PCDHGB4: variants seen among roughly 807,000 people sequenced by gnomAD.
PCDHGB4 encodes the protein protocadherin gamma-B4.
Under a neutral mutation model 60.5 loss-of-function variants are expected in PCDHGB4, and 38 were observed. The observed-to-expected ratio is 0.63, with a 90% CI of 0.48 to 0.82. The LOEUF is 0.82. Among genes scored for constraint, PCDHGB4 ranks in the 40% least tolerant of loss-of-function variants. The pLI is 0.00. For missense variants in PCDHGB4, 1,109 were observed against 1,209.6 expected (o/e 0.92, Z 1.23); for synonymous variants, 456 against 509.7 (o/e 0.89, Z 1.42).
intron 2 of PCDHGB4, among the ~76,000 whole-genome samples, chr5:141,498,024 A>G (rs1455238086): frequency 6.6e-6 from 1 of 152,200 alleles, no homozygotes; most frequent in East Asian, 1.9e-4. Flanking sequence ...GGAGACAAAT[A>G]TTGACCAAAT....
rs1254680765 is a variant in PCDHGB4 at position 141,491,399 on chromosome 5, A to G, written c.2398-3408A>G. ...CTGTCAGCGAAGTGCCTTCAGGGAA[A>G]CGCAGACGGGGACGGGGGTGGAGGG... On this transcript the variant is annotated intron_variant, in intron 1 of 3. Transcript: ENST00000519479. This position sits in a 1 kb window ranked among gnomAD's most constrained non-coding sequence, Gnocchi z 6.9. 3 of 1,613,998 alleles carry G rather than the reference A, an allele frequency of 1.9e-6. No homozygotes were observed. Among genetic ancestry groups the G allele is most frequent in the Non-Finnish European group, 2.5e-6 (3 of 1,180,028 alleles).
At chr5:141,414,117 A>T (rs764001135) in intron 1 of PCDHGB4, 2 of 1,592,602 alleles carry the variant, frequency 1.3e-6, no homozygotes, top group Non-Finnish European at 1.7e-6. Flanking sequence ...TAGATTATGA[A>T]GAAACCGGTT....
At chr5:141,459,735 T>A (rs114520602) in intron 1 of PCDHGB4, among the ~76,000 whole-genome samples, 1 of 152,374 alleles carries the variant, frequency 6.6e-6, no homozygotes, top group Non-Finnish European at 1.5e-5. Flanking sequence ...GTCAATTTTT[T>A]AAATTTTAGC....
intron 1 of PCDHGB4, chr5:141,394,390 G>A (rs758609540): frequency 2.5e-6 from 4 of 1,614,100 alleles, no homozygotes; most frequent in South Asian, 2.2e-5. Flanking sequence ...GAGCAGATCC[G>A]AGACCTGCAG....
Position 141,431,668 on chromosome 5 carries a change from A to C in PCDHGB4, c.2397+41387A>C. ...ATTGTAATTCAGGGACAATATCAAC[A>C]ATAGGGGAGTTGGACCACGAGGAGT... is the stretch of plus-strand genomic sequence containing the variant. On this transcript the variant is annotated intron_variant, in intron 1 of 3. Coordinates refer to ENST00000519479, the MANE Select transcript of PCDHGB4 (RefSeq NM_003736.4). This position sits in a 1 kb window ranked among gnomAD's most constrained non-coding sequence, Gnocchi z 4.8. The C allele has an allele frequency of 6.2e-7, 1 of 1,614,208 alleles. No individual in the cohort carries two copies. Among genetic ancestry groups the C allele is most frequent in the Non-Finnish European group, 8.5e-7 (1 of 1,180,036 alleles).
chr5:141,478,323 G>C, intron 1 of PCDHGB4: 1 of 1,613,958 alleles, frequency 6.2e-7, no homozygotes, highest in Non-Finnish European at 8.5e-7. Flanking sequence ...TCACTGTACC[G>C]AACACCAGGG....
intron 1 of PCDHGB4, among the ~76,000 whole-genome samples, chr5:141,494,070 C>T (rs933213518): frequency 3.9e-5 from 6 of 152,174 alleles, no homozygotes; most frequent in African/African-American, 1.4e-4. Context: ...AGCTGGATCC[C>T]TCCCCGCTGC....
intron 1 of PCDHGB4, among the ~76,000 whole-genome samples, chr5:141,494,072 C>G (rs2099751672): frequency 6.6e-6 from 1 of 152,160 alleles, no homozygotes; most frequent in Non-Finnish European, 1.5e-5. Flanking sequence ...CTGGATCCCT[C>G]CCCGCTGCAT....
In PCDHGB4 at chr5:141,431,430, G is replaced by A; in HGVS notation, c.2397+41149G>A. ...GACGGGGGCGACCCGGTGCGCACAG[G>A]CACCGCGCGCATCCGCGTGATGGTT... is the stretch of plus-strand genomic sequence containing the variant. On this transcript the variant is annotated intron_variant, in intron 1 of 3. Coordinates refer to ENST00000519479, the MANE Select transcript of PCDHGB4 (RefSeq NM_003736.4). The surrounding 1 kb of genome is among the most constrained non-coding windows in gnomAD (Gnocchi z 4.8). 1 of 1,613,680 alleles carries A rather than the reference G, an allele frequency of 6.2e-7. No individual in the cohort carries two copies. The highest frequency in any genetic ancestry group is 8.5e-7 in the Non-Finnish European group (1 of 1,180,018).
chr5:141,432,087 C>G lies in PCDHGB4; in HGVS notation c.2397+41806C>G. On this transcript the variant is annotated intron_variant, in intron 1 of 3. Coordinates refer to ENST00000519479, the MANE Select transcript of PCDHGB4 (RefSeq NM_003736.4). This position sits in a 1 kb window ranked among gnomAD's most constrained non-coding sequence, Gnocchi z 6.0. ...GAAACTCATATCTCGCTGAACGTGG[C>G]AGACACCAACGACAACCCGCCGGTC... 3 of 1,614,178 alleles carry G rather than the reference C, an allele frequency of 1.9e-6. No homozygotes were observed. The highest frequency in any genetic ancestry group is 2.5e-6 in the Non-Finnish European group (3 of 1,180,042).
intron 1 of PCDHGB4, chr5:141,399,995 G>T (rs1042095164): frequency 1.9e-6 from 3 of 1,612,094 alleles, no homozygotes; most frequent in Non-Finnish European, 2.5e-6. Context: ...GGAGAGGTGC[G>T]CACAGCGCGT....
chr5:141,426,465 T>C, intron 1 of PCDHGB4: 1 of 315,366 alleles, frequency 3.2e-6, no homozygotes, highest in African/African-American at 2.2e-5. Context: ...ATGTTCAGGA[T>C]TTATTGACCT....
At position 141,420,872 on chromosome 5, in the gene PCDHGB4, G is replaced by A. The variant is rs575322685; in HGVS notation, c.2397+30591G>A. 3.3e-5 allele frequency among the ~76,000 whole-genome samples: 5 copies of A among 152,328 alleles called. No homozygotes were observed. The East Asian group carries it at 7.7e-4, about 24-fold the overall frequency. On this transcript the variant is annotated intron_variant, in intron 1 of 3. Coordinates refer to ENST00000519479, the MANE Select transcript of PCDHGB4 (RefSeq NM_003736.4). ...AAAGTTTTAACGTCACATAATGTAA[G>A]TATTGTGTATCATCGTTTTTAAGCT...
intron 1 of PCDHGB4, chr5:141,391,496 G>C (rs1256159469): frequency 6.6e-6 from 1 of 151,988 alleles, no homozygotes; most frequent in Non-Finnish European, 1.5e-5. Flanking sequence ...GTTTTCAGTA[G>C]AGAAAATATT....
chr5:141,458,701 C>A (rs1057501287), intron 1 of PCDHGB4, among the ~76,000 whole-genome samples: 3 of 152,088 alleles, frequency 2.0e-5, no homozygotes, highest in Non-Finnish European at 2.9e-5. Context: ...TCCCGAGTAG[C>A]TGGGATTACA....
At chr5:141,423,755 G>GT (rs542747697) in intron 1 of PCDHGB4, 5 of 512,416 alleles carry the variant, frequency 9.8e-6, no homozygotes, top group Admixed American at 7.1e-5. Context: ...CTGTTTGGGG[G>GT]GGGGGTGGGG....
chr5:141,455,580 T>G (rs572453788), intron 1 of PCDHGB4, among the ~76,000 whole-genome samples: 26 of 152,142 alleles, frequency 1.7e-4, no homozygotes, highest in Middle Eastern at 3.2e-3. Context: ...ACCCCAGCCT[T>G]TTAATATGCA....
Position 141,505,383 on chromosome 5 carries a change from C to T in PCDHGB4, c.2457-10C>T, listed in dbSNP as rs369765886. On this transcript the variant is annotated splice_polypyrimidine_tract_variant and intron_variant, in intron 2 of 3. Coordinates refer to ENST00000519479, the MANE Select transcript of PCDHGB4 (RefSeq NM_003736.4). Reference sequence around the variant, plus strand: ...GGGAGTCTGTGCTCACCATCCTACTCTCTCCCCAGCTCCCAAAATGGCGAT... The same window carrying T: ...GGGAGTCTGTGCTCACCATCCTACTTTCTCCCCAGCTCCCAAAATGGCGAT... The T allele has an allele frequency of 1.2e-6, 2 of 1,613,944 alleles. No individual in the cohort carries two copies. Among genetic ancestry groups the T allele is most frequent in the African/African-American group, 2.7e-5 (2 of 74,914 alleles).
At chr5:141,465,894 G>A (rs970043849) in intron 1 of PCDHGB4, among the ~76,000 whole-genome samples, 1 of 152,098 alleles carries the variant, frequency 6.6e-6, no homozygotes, top group Non-Finnish European at 1.5e-5. Flanking sequence ...AGGCCGAGGC[G>A]GGCAAATCAC....
Sources: allele counts gnomAD v4.1 joint callset (sites outside exome capture counted in the v4.1 genomes callset), GRCh38; gene constraint gnomAD v4.1.1; non-coding constraint Gnocchi (gnomAD v3.1); transcripts MANE v1.5; gene names NCBI Gene and HGNC (gene_info 2026-07-23, HGNC 2026-07-21).